ZBTB3: variants seen among roughly 807,000 people sequenced by gnomAD.
ZBTB3 encodes zinc finger and BTB domain-containing protein 3.
In ZBTB3, 15 loss-of-function variants were observed where a neutral mutation model predicts 30.6. The observed-to-expected ratio is 0.49, with a 90% CI of 0.33 to 0.75. The LOEUF (loss-of-function observed/expected upper bound fraction) is 0.75. Among genes scored for constraint, ZBTB3 ranks in the 30% least tolerant of loss-of-function variants. ZBTB3 has a pLI of 0.02. For synonymous variants in ZBTB3, 258 were observed against 261.7 expected (o/e 0.99, Z 0.14); for missense variants, 599 against 652.1 (o/e 0.92, Z 0.89).
rs1397660135 is a variant in ZBTB3, at chr11:62,752,731, A to C, written c.934T>G (p.Ser312Ala). 6.2e-7 allele frequency: 1 copy of C among 1,614,032 alleles called. No individual in the cohort carries two copies. The highest frequency in any genetic ancestry group is 2.2e-5 in the East Asian group (1 of 44,884). Reference protein sequence around the residue: ...VQVKVEAIVISDEETDVSDEQ... With the variant: ...VQVKVEAIVIADEETDVSDEQ... ...TCTGACACATCAGTCTCTTCATCAG[A>C]GATCACAATAGCTTCAACTTTCACC... Residue 312 changes from serine to alanine, a missense_variant, in exon 2 of 2, where the codon TCT becomes GCT. Coordinates refer to ENST00000394807, the MANE Select transcript of ZBTB3 (RefSeq NM_001370809.1).
Position 62,752,634 on chromosome 11 carries a change from G to C in ZBTB3, c.1031C>G (p.Pro344Arg). The change falls in exon 2 of 2, where the codon CCA becomes CGA. Residue 344 changes from proline (P) to arginine (R), a missense_variant. Pro to Arg is a moderately radical substitution (Grantham distance 103, BLOSUM62 -2). Transcript: ENST00000394807. ...GAVYGAQPSQ[P>R]EAFEDPGAAG... The stretch of plus-strand genomic sequence containing the variant: ...TGCCCCTGGGTCTTCAAAAGCCTCT[G>C]GCTGGGAGGGCTGTGCCCCATACAC... The C allele has an allele frequency of 6.2e-7, 1 of 1,614,208 alleles. No homozygotes were observed.
chr11:62,754,139 G>A lies in ZBTB3; in HGVS notation c.-227C>T, dbSNP rs954570850. Reference sequence around the variant, plus strand: ...GAAAGCTGATACCTCACCCACCACCGAGCAGCCACAGGGCGAGCTCCGCCC... The same window carrying A: ...GAAAGCTGATACCTCACCCACCACCAAGCAGCCACAGGGCGAGCTCCGCCC... On this transcript the variant is annotated 5_prime_UTR_variant, in exon 1 of 2. Transcript: ENST00000394807. 12 of 1,438,414 alleles carry A rather than the reference G, an allele frequency of 8.3e-6. No individual in the cohort carries two copies. The highest frequency in any genetic ancestry group is 4.2e-5 in the African/African-American group (3 of 71,444). 89.1% of individuals were successfully genotyped at this position (1,438,414 alleles called of 1,614,324 possible).
At position 62,752,291 on chromosome 11, in the gene ZBTB3, G is replaced by C; in HGVS notation, c.1374C>G (p.Ser458Arg). 6.2e-7 allele frequency: 1 copy of C among 1,614,178 alleles called. No individual in the cohort carries two copies. The highest frequency in any genetic ancestry group is 8.5e-7 in the Non-Finnish European group (1 of 1,180,040). ...RPYECRYCLR[S>R]YTQSGDLYRH... is the part of the protein sequence containing the mutation. Reference sequence around the variant, plus strand: ...GGTAGAGGTCCCCTGACTGCGTGTAGCTCCGCAGGCAGTAGCGGCACTCAT... The same window carrying C: ...GGTAGAGGTCCCCTGACTGCGTGTACCTCCGCAGGCAGTAGCGGCACTCAT... Residue 458 changes from serine (S) to arginine (R), a missense_variant, in exon 2 of 2, where the codon AGC becomes AGG. Transcript: ENST00000394807.
intron 1 of ZBTB3, 115 bp from the exon 2 acceptor site, chr11:62,753,830 T>C: frequency 1.3e-6 from 2 of 1,530,584 alleles, no homozygotes; most frequent in Non-Finnish European, 1.8e-6. Flanking sequence ...TTCTTTCTCC[T>C]AGGTCACACC....
chr11:62,752,539 G>A lies in ZBTB3; in HGVS notation c.1126C>T (p.Leu376=), dbSNP rs756821429. 2 of 1,614,230 alleles carry A rather than the reference G, an allele frequency of 1.2e-6. No homozygotes were observed. The highest frequency in any genetic ancestry group is 1.7e-6 in the Non-Finnish European group (2 of 1,180,050). ...CGATGATACTGCCCTGCACCTGGCA[G>A]CAGATGGTAGGGTAGATGAGGGTCT... ...PTDPHLPYHL[L]PGAGQYHRGL... Residue 376 remains leucine, a synonymous_variant, in exon 2 of 2, where the codon CTG becomes TTG. Coordinates refer to ENST00000394807, the MANE Select transcript of ZBTB3 (RefSeq NM_001370809.1).
At position 62,752,487 on chromosome 11, in the gene ZBTB3, G is replaced by C. The variant is rs1000681755; in HGVS notation, c.1178C>G (p.Ala393Gly). ...AAGTGGCTCATGCAGGGATGCGGGT[G>C]CAGGCAGAGGTGAGGTCACCAGTCC... is the stretch of plus-strand genomic sequence containing the variant. ...HRGLVTSPLP[A>G]PASLHEPLYL... The change falls in exon 2 of 2, where the codon GCA (alanine) becomes GGA (glycine). Residue 393 changes from alanine to glycine, a missense_variant. Ala to Gly is a moderately conservative substitution (Grantham distance 60). Coordinates refer to ENST00000394807, the MANE Select transcript of ZBTB3 (RefSeq NM_001370809.1). 8.1e-6 allele frequency: 13 copies of C among 1,614,090 alleles called. No individual in the cohort carries two copies. In the African/African-American group the frequency reaches 1.3e-4, roughly 17 times the overall value.
chr11:62,752,894 C>G lies in ZBTB3; in HGVS notation c.771G>C (p.Arg257Ser), dbSNP rs139609670. 236 of 1,614,106 alleles carry G rather than the reference C, an allele frequency of 1.5e-4. No individual in the cohort carries two copies. The African/African-American group carries it at 2.6e-3, about 18-fold the overall frequency. Residue 257 changes from arginine (R) to serine (S), a missense_variant, in exon 2 of 2, where the codon AGG becomes AGC. By Grantham distance (110) the Arg-to-Ser change is moderately radical. Transcript: ENST00000394807. Reference protein sequence around the residue: ...PSLDVGPESLRVVEPKDPGGP... With the variant: ...PSLDVGPESLSVVEPKDPGGP... ...CTCCAGGATCCTTTGGTTCCACCAC[C>G]CTCAGACTCTCAGGACCCACATCAA...
At position 62,752,846 on chromosome 11, in the gene ZBTB3, G is replaced by A. The variant is rs2084027840; in HGVS notation, c.819C>T (p.Pro273=). ...DPGGPLQGFY[P]PASAPTSAPA... ...GGGCTGACGTTGGGGCTGAGGCTGG[G>A]GGATAGAAGCCTTGCAGTGGTCCTC... The change falls in exon 2 of 2, where the codon CCC becomes CCT. Residue 273 remains proline, a synonymous_variant. Transcript: ENST00000394807. 6.2e-7 allele frequency: 1 copy of A among 1,614,108 alleles called. No homozygotes were observed. Among genetic ancestry groups the A allele is most frequent in the Non-Finnish European group, 8.5e-7 (1 of 1,180,018 alleles).
At chr11:62,753,822 C>G in intron 1 of ZBTB3, 107 bp from the exon 2 acceptor site, 4 of 1,523,730 alleles carry the variant, frequency 2.6e-6, no homozygotes, top group South Asian at 2.5e-5. Context: ...TACTGCCCTT[C>G]TTTCTCCTAG....
rs753154211 is a variant in ZBTB3, at chr11:62,752,081, C to T, written c.*9G>A. ...TGGTAAGAGCAGCCTAGCATCAGCT[C>T]ATGCTCCCTTAGATGTTAGTTTTTG... On this transcript the variant is annotated 3_prime_UTR_variant, in exon 2 of 2. Coordinates refer to ENST00000394807, the MANE Select transcript of ZBTB3 (RefSeq NM_001370809.1). The T allele has an allele frequency of 3.1e-6, 5 of 1,591,616 alleles. No individual in the cohort carries two copies. The highest frequency in any genetic ancestry group is 1.7e-5 in the Admixed American group (1 of 58,546).
chr11:62,752,915 A>G lies in ZBTB3; in HGVS notation c.750T>C (p.Asp250=). The change falls in exon 2 of 2, where the codon GAT becomes GAC. Residue 250 remains aspartate, a synonymous_variant. Coordinates refer to ENST00000394807, the MANE Select transcript of ZBTB3 (RefSeq NM_001370809.1). ...AVSLEPLPSL[D]VGPESLRVVE... ...CCACCCTCAGACTCTCAGGACCCAC[A>G]TCAAGAGATGGCAGTGGCTCCAATG... 1.9e-6 allele frequency: 3 copies of G among 1,614,156 alleles called. No homozygotes were observed. The highest frequency in any genetic ancestry group is 2.5e-6 in the Non-Finnish European group (3 of 1,180,026).
At position 62,751,976 on chromosome 11, in the gene ZBTB3, C is replaced by A; in HGVS notation, c.*114G>T. 1 of 1,030,714 alleles carries A rather than the reference C, an allele frequency of 9.7e-7. No individual in the cohort carries two copies. 63.8% of individuals were successfully genotyped at this position (1,030,714 alleles called of 1,614,324 possible). A position where few individuals can be genotyped will look rare whatever the true frequency, so the allele number is the denominator to read the frequency against. ...AAAAAAAAAAAAGGGTAGGAACTTT[C>A]AGCCTGGGCAGAGCCTTTATTCTTG... On this transcript the variant is annotated 3_prime_UTR_variant, in exon 2 of 2. Coordinates refer to ENST00000394807, the MANE Select transcript of ZBTB3 (RefSeq NM_001370809.1).
intron 1 of ZBTB3, 91 bp downstream of exon 1, chr11:62,753,873 C>A (rs2084039926): frequency 1.9e-6 from 3 of 1,576,412 alleles, no homozygotes; most frequent in Non-Finnish European, 2.6e-6. Flanking sequence ...CCCACCTCGG[C>A]CTAACCTTAG....
chr11:62,753,988 A>C lies in ZBTB3; in HGVS notation c.-76T>G. ...CCCGGTAGCGTCCAACGGCTCCACG[A>C]AGTAGAGATCTTTTTCGCTCCCAGG... On this transcript the variant is annotated 5_prime_UTR_variant, in exon 1 of 2. Coordinates refer to ENST00000394807, the MANE Select transcript of ZBTB3 (RefSeq NM_001370809.1). 1 of 1,613,484 alleles carries C rather than the reference A, an allele frequency of 6.2e-7. No homozygotes were observed.
chr11:62,753,014 G>T lies in ZBTB3; in HGVS notation c.651C>A (p.Val217=). ...TGGAGCTACTAGGGCTGGCAAGAGA[G>T]ACATCAGCCACTGGTGGATGAGGTG... The part of the protein sequence containing the change: ...LRAPHPPVAD[V]SLASPSSSTE... The change falls in exon 2 of 2, where the codon GTC becomes GTA. Residue 217 remains valine, a synonymous_variant. Coordinates refer to ENST00000394807, the MANE Select transcript of ZBTB3 (RefSeq NM_001370809.1). 1 of 1,614,118 alleles carries T rather than the reference G, an allele frequency of 6.2e-7. No individual in the cohort carries two copies. The highest frequency in any genetic ancestry group is 8.5e-7 in the Non-Finnish European group (1 of 1,179,988).
intron 1 of ZBTB3, 114 bp downstream of exon 1, chr11:62,753,850 C>T: frequency 1.3e-6 from 2 of 1,544,620 alleles, no homozygotes; most frequent in East Asian, 2.3e-5. Flanking sequence ...CCAAAGCTCT[C>T]CCATTAGCTC....
chr11:62,753,012 G>A lies in ZBTB3; in HGVS notation c.653C>T (p.Ser218Phe). The change falls in exon 2 of 2, where the codon TCT becomes TTT. Residue 218 changes from serine to phenylalanine, a missense_variant. Ser to Phe is a radical substitution (Grantham distance 155, BLOSUM62 -2). Transcript: ENST00000394807. ...AGTGGAGCTACTAGGGCTGGCAAGA[G>A]AGACATCAGCCACTGGTGGATGAGG... ...RAPHPPVADVSLASPSSSTET... is the reference protein window; with the variant it reads ...RAPHPPVADVFLASPSSSTET... The A allele has an allele frequency of 1.2e-6, 2 of 1,614,150 alleles. No homozygotes were observed. The highest frequency in any genetic ancestry group is 2.2e-5 in the East Asian group (1 of 44,884).
Position 62,753,032 on chromosome 11 carries a change from A to G in ZBTB3, c.633T>C (p.His211=). ...EVDAPHLRAP[H]PPVADVSLAS... The stretch of plus-strand genomic sequence containing the variant: ...CAAGAGAGACATCAGCCACTGGTGG[A>G]TGAGGTGCCCGCAGATGTGGTGCGT... Residue 211 remains histidine (H), a synonymous_variant, in exon 2 of 2, where the codon CAT becomes CAC. Transcript: ENST00000394807. 6.2e-7 allele frequency: 1 copy of G among 1,614,136 alleles called. No individual in the cohort carries two copies. The highest frequency in any genetic ancestry group is 8.5e-7 in the Non-Finnish European group (1 of 1,180,008).
At position 62,754,037 on chromosome 11, in the gene ZBTB3, C is replaced by T; in HGVS notation, c.-125G>A. On this transcript the variant is annotated 5_prime_UTR_variant, in exon 1 of 2. Coordinates refer to ENST00000394807, the MANE Select transcript of ZBTB3 (RefSeq NM_001370809.1). Reference sequence around the variant, plus strand: ...GGCCTTGCCAGGCGATGCCTCTACGCCCCACTTCGAGAACTCCCTAAGCAT... The same window carrying T: ...GGCCTTGCCAGGCGATGCCTCTACGTCCCACTTCGAGAACTCCCTAAGCAT... 5 of 1,614,144 alleles carry T rather than the reference C, an allele frequency of 3.1e-6. No individual in the cohort carries two copies. Among genetic ancestry groups the T allele is most frequent in the Non-Finnish European group, 4.2e-6 (5 of 1,180,016 alleles).
Sources: allele counts gnomAD v4.1 joint callset, GRCh38; gene constraint gnomAD v4.1.1; transcripts MANE v1.5; gene names NCBI Gene and HGNC (gene_info 2026-07-23, HGNC 2026-07-21).